The following APH1B variants were observed in gnomAD, a reference collection of about 807,000 sequenced individuals.
The protein encoded by APH1B is aph-1B gamma-secretase subunit, also known as gamma-secretase subunit APH-1B.
APH1B carries 27 observed loss-of-function variants against 28.2 expected under a neutral mutation model. The ratio of observed to expected loss-of-function variants is 0.96; its 90% CI spans 0.70 to 1.32. APH1B has a LOEUF of 1.32. Ranked by LOEUF, APH1B falls within the 40% of genes most tolerant of loss-of-function variation. The pLI is 0.00. For synonymous variants in APH1B, 141 were observed against 124.6 expected, an observed-to-expected ratio of 1.13 and a Z score of -0.88; for missense variants, 305 against 313.6, an observed-to-expected ratio of 0.97 and a Z score of 0.21.
At chr15:63,294,734 C>T (rs1201040728) in intron 4 of APH1B, among the ~76,000 whole-genome samples, 3 of 152,130 alleles carry the variant, frequency 2.0e-5, no homozygotes, top group Non-Finnish European at 4.4e-5. Flanking sequence ...ATTTTACTGC[C>T]TTTTATAGTT....
intron 1 of APH1B, 81 bp from the exon 2 acceptor site, chr15:63,279,080 G>GTTTTT: frequency 1.1e-6 from 1 of 943,740 alleles, no homozygotes; most frequent in African/African-American, 1.7e-5. Flanking sequence ...TCTCAAGCAG[G>GTTTTT]TTTTTTTTTT....
intron 4 of APH1B, among the ~76,000 whole-genome samples, chr15:63,296,281 C>T (rs2038566803): frequency 6.6e-6 from 1 of 152,166 alleles, no homozygotes; most frequent in Non-Finnish European, 1.5e-5. Flanking sequence ...CTTTCTACTA[C>T]TTAGAAAAAG....
chr15:63,286,383 T>C (rs2038445561), intron 2 of APH1B, among the ~76,000 whole-genome samples, 175 bp from the exon 3 acceptor site: 1 of 152,222 alleles, frequency 6.6e-6, no homozygotes, highest in Non-Finnish European at 1.5e-5. Context: ...TGGTTGATGT[T>C]AGTTCATTGA....
intron 3 of APH1B, 169 bp from the exon 4 acceptor site, chr15:63,287,255 G>C (rs2038457071): frequency 1.3e-6 from 1 of 767,390 alleles, no homozygotes; most frequent in Non-Finnish European, 2.0e-6. Context: ...TTCCCTCTCT[G>C]ATTCATCATT....
rs759112041 is a variant in APH1B, at chr15:63,302,386, G to A, written c.520G>A (p.Gly174Ser). Residue 174 changes from glycine (G) to serine (S), a missense_variant, in exon 5 of 6, where the codon GGC becomes AGC. By Grantham distance (56) the Gly-to-Ser change is moderately conservative (BLOSUM62 0). Transcript: ENST00000261879. ...LVIILLHVFW[G>S]IVFFDGCEKK... ...CATTATCTTGCTGCATGTATTCTGG[G>A]GCATTGTATTTTTTGATGGCTGTGA... 2.5e-6 allele frequency: 4 copies of A among 1,614,052 alleles called. No individual in the cohort carries two copies. In the East Asian group the frequency reaches 6.7e-5, roughly 27 times the overall value.
intron 5 of APH1B, among the ~76,000 whole-genome samples, chr15:63,303,872 A>AC (rs2038659224): frequency 1.5e-5 from 1 of 66,272 alleles, no homozygotes; most frequent in South Asian, 6.2e-4. Context: ...ACACACACAC[A>AC]CAACACACAC....
rs753832262 is a variant in APH1B at position 63,278,335 on chromosome 15, C to G, written c.113+599C>G. On this transcript the variant is annotated intron_variant, in intron 1 of 5. Coordinates refer to ENST00000261879, the MANE Select transcript of APH1B (RefSeq NM_031301.4). ...AAAAACACCGAAGCACCTGACTGTGCGTCTCCTTCTGGGAGCTTGGTAAAT... is the reference window on the plus strand; with the variant it reads ...AAAAACACCGAAGCACCTGACTGTGGGTCTCCTTCTGGGAGCTTGGTAAAT... 9 of 456,630 alleles carry G rather than the reference C, an allele frequency of 2.0e-5. No individual in the cohort carries two copies. In the Middle Eastern group the frequency reaches 9.7e-4, roughly 49 times the overall value. The allele number at this position is 456,630 out of a possible 1,614,324, so 28.3% of individuals were successfully genotyped here.
intron 4 of APH1B, among the ~76,000 whole-genome samples, chr15:63,288,532 C>G (rs907850438): frequency 6.6e-6 from 1 of 152,180 alleles, no homozygotes; most frequent in Non-Finnish European, 1.5e-5. Context: ...GTTAGTCTTT[C>G]CTTGACACAC....
At chr15:63,305,440 C>T (rs2291881) in intron 5 of APH1B, among the ~76,000 whole-genome samples, 174 bp from the exon 6 acceptor site, 27,209 of 152,182 alleles carry the variant, frequency 0.18, 2,766 homozygotes, top group African/African-American at 0.28. Context: ...ACAGTATCTG[C>T]TGACCAGCTT....
chr15:63,285,274 T>C (rs900125856), intron 2 of APH1B, among the ~76,000 whole-genome samples: 1 of 152,226 alleles, frequency 6.6e-6, no homozygotes, highest in Non-Finnish European at 1.5e-5. Context: ...TGAATACCCA[T>C]ACCCTGAAAT....
chr15:63,305,746 A>G lies in APH1B; in HGVS notation c.739A>G (p.Lys247Glu), dbSNP rs201737860. 11 of 1,614,036 alleles carry G rather than the reference A, an allele frequency of 6.8e-6. No individual in the cohort carries two copies. The highest frequency in any genetic ancestry group is 8.5e-6 in the Non-Finnish European group (10 of 1,180,044). ...SLKLCLLCQD[K>E]NFLLYNQRSR is the part of the protein sequence containing the mutation. ...GAAACTCTGCCTGCTCTGCCAAGAC[A>G]AGAACTTTCTTCTTTACAACCAGCG... Residue 247 changes from lysine to glutamate, a missense_variant, in exon 6 of 6, where the codon AAG (lysine) becomes GAG (glutamate). Physicochemically the swap from Lys to Glu is moderately conservative, Grantham distance 56. Coordinates refer to ENST00000261879, the MANE Select transcript of APH1B (RefSeq NM_031301.4).
At position 63,304,746 on chromosome 15, in the gene APH1B, G is replaced by A. The variant is rs1595765954; in HGVS notation, c.607-868G>A. On this transcript the variant is annotated intron_variant, in intron 5 of 5. Transcript: ENST00000261879. This position sits in a 1 kb window ranked among gnomAD's most constrained non-coding sequence, Gnocchi z 5.1. Reference sequence around the variant, plus strand: ...ATTGCTTTTGTAATTGTTTAAAAGAGGAAAAATGTTTTTTAAAGAAGAGAA... The same window carrying A: ...ATTGCTTTTGTAATTGTTTAAAAGAAGAAAAATGTTTTTTAAAGAAGAGAA... Among the ~76,000 whole-genome samples the A allele has an allele frequency of 6.6e-6, 1 of 152,202 alleles. No individual in the cohort carries two copies. Among genetic ancestry groups the A allele is most frequent in the Non-Finnish European group, 1.5e-5 (1 of 68,006 alleles).
intron 2 of APH1B, among the ~76,000 whole-genome samples, chr15:63,284,678 CCATTGTTGACTGAAATGTTGCTAT>C (rs1253773499): frequency 6.6e-6 from 1 of 152,142 alleles, no homozygotes; most frequent in East Asian, 1.9e-4. Context: ...TATGTGCAGT[CCATTGTTGACTGAAATGTTGCTAT>C]GCAACAGATA....
intron 4 of APH1B, among the ~76,000 whole-genome samples, chr15:63,288,433 C>T (rs1484951510): frequency 6.6e-6 from 1 of 152,238 alleles, no homozygotes; most frequent in Non-Finnish European, 1.5e-5. Flanking sequence ...AGTGGACACT[C>T]ATTCACCATT....
At position 63,287,434 on chromosome 15, in the gene APH1B, G is replaced by C. The variant is rs749694258; in HGVS notation, c.366G>C (p.Leu122Phe). Residue 122 changes from leucine (L) to phenylalanine (F), a missense_variant, in exon 4 of 6, where the codon TTG (leucine) becomes TTC (phenylalanine). Transcript: ENST00000261879. ...TTTCTTCCTGTTTAGTTTCTGGCTT[G>C]GGCTTTGGAATCATGAGTGGAGTAT... ...SMRLLAYVSGLGFGIMSGVFS... is the reference protein window; with the variant it reads ...SMRLLAYVSGFGFGIMSGVFS... The C allele has an allele frequency of 6.2e-7, 1 of 1,613,526 alleles. No homozygotes were observed.
At chr15:63,285,293 A>T (rs776850833) in intron 2 of APH1B, among the ~76,000 whole-genome samples, 15 of 152,262 alleles carry the variant, frequency 9.9e-5, no homozygotes, top group Non-Finnish European at 2.2e-4. Flanking sequence ...ATTTAAAGTA[A>T]CACAATGCCC....
chr15:63,302,393 T>C lies in APH1B; in HGVS notation c.527T>C (p.Val176Ala). The C allele has an allele frequency of 1.2e-6, 2 of 1,614,228 alleles. No individual in the cohort carries two copies. The highest frequency in any genetic ancestry group is 1.7e-6 in the Non-Finnish European group (2 of 1,180,038). The change falls in exon 5 of 6, where the codon GTA becomes GCA. Residue 176 changes from valine to alanine, a missense_variant. Coordinates refer to ENST00000261879, the MANE Select transcript of APH1B (RefSeq NM_031301.4). ...IILLHVFWGI[V>A]FFDGCEKKKW... ...TTGCTGCATGTATTCTGGGGCATTG[T>C]ATTTTTTGATGGCTGTGAGAAGAAA...
chr15:63,287,192 C>G (rs1044425933), intron 3 of APH1B: 11 of 449,766 alleles, frequency 2.4e-5, no homozygotes, highest in African/African-American at 2.2e-4. Context: ...CCTTTTCTCC[C>G]CTTTTTCATT....
At chr15:63,291,509 A>G (rs1361319548) in intron 4 of APH1B, among the ~76,000 whole-genome samples, 2 of 152,352 alleles carry the variant, frequency 1.3e-5, no homozygotes, top group East Asian at 1.9e-4. Context: ...TGTTCCAAGC[A>G]TTGTGATTTA....
Sources: gnomAD v4.1 joint callset for allele counts (sites outside exome capture counted in the v4.1 genomes callset) on GRCh38, gnomAD v4.1.1 for gene constraint, Gnocchi (gnomAD v3.1) non-coding constraint, MANE v1.5 for transcripts, NCBI Gene and HGNC (gene_info 2026-07-23, HGNC 2026-07-21) for gene names.